The following FRMPD4 variants were observed in gnomAD, a reference collection of about 807,000 sequenced individuals.
The protein encoded by FRMPD4 is FERM and PDZ domain-containing protein 4.
FRMPD4 carries 22 observed loss-of-function variants against 94.1 expected under a neutral mutation model. That is an observed-to-expected ratio of 0.23 (90% CI 0.17 to 0.33). FRMPD4 has a LOEUF of 0.33. FRMPD4 is among the 10% of genes least tolerant of loss of function. The pLI is 1.00. For missense variants in FRMPD4, 1,111 were observed against 1,339.9 expected (o/e 0.83, Z 2.67); for synonymous variants, 631 against 548.6 (o/e 1.15, Z -2.10).
At chrX:11,952,332 C>T (rs753784189) in intron 3 of FRMPD4, among the ~76,000 whole-genome samples, 50 of 112,036 alleles carry the variant, frequency 4.5e-4, no homozygotes, top group African/African-American at 1.1e-3. Flanking sequence ...TTCTTGAAGC[C>T]GCAAAATCAA....
chrX:12,425,671 G>A (rs2056937202), intron 1 of FRMPD4, among the ~76,000 whole-genome samples: 1 of 111,670 alleles, frequency 9.0e-6, no homozygotes, highest in African/African-American at 3.3e-5. Flanking sequence ...TGAGGCCAGA[G>A]ATGTTGCTAA....
chrX:12,516,165 G>T (rs981864197), intron 2 of FRMPD4, among the ~76,000 whole-genome samples: 1 of 111,742 alleles, frequency 8.9e-6, no homozygotes, highest in African/African-American at 3.3e-5. Flanking sequence ...TTGACATTCT[G>T]TGTCTTTTAA....
At chrX:12,423,254 TAAATAAA>T (rs2056907319) in intron 1 of FRMPD4, among the ~76,000 whole-genome samples, 1 of 110,209 alleles carries the variant, frequency 9.1e-6, no homozygotes, top group South Asian at 3.9e-4. Context: ...AATAAATAAA[TAAATAAA>T]AAATAAAAAA....
In FRMPD4 at chrX:12,699,408, A is replaced by G. The variant is rs956988694; in HGVS notation, c.934-2466A>G. Among the ~76,000 whole-genome samples, 12 of 112,708 alleles carry G rather than the reference A, an allele frequency of 1.1e-4. No homozygotes were observed. In the East Asian group the frequency reaches 2.8e-3, roughly 26 times the overall value. On this transcript the variant is annotated intron_variant, in intron 9 of 16. Coordinates refer to ENST00000675598, the MANE Select transcript of FRMPD4 (RefSeq NM_001368397.1). ...AAGGTGGAAGATCACATTAGGGATGAACAGGTGAGAGAATGTGACTTCACT... is the reference window on the plus strand; with the variant it reads ...AAGGTGGAAGATCACATTAGGGATGGACAGGTGAGAGAATGTGACTTCACT...
At chrX:11,847,548 C>T (rs1272254574) in intron 1 of FRMPD4, among the ~76,000 whole-genome samples, 1 of 108,024 alleles carries the variant, frequency 9.3e-6, no homozygotes, top group African/African-American at 3.4e-5. Flanking sequence ...ACCCAAAGGA[C>T]TATAAATCAT....
intron 2 of FRMPD4, among the ~76,000 whole-genome samples, chrX:12,566,671 AAATT>A (rs1385379047): frequency 1.8e-5 from 2 of 112,205 alleles, no homozygotes; most frequent in Non-Finnish European, 3.8e-5. Context: ...AAGAGCTAAG[AAATT>A]ATTTATCGAA....
intron 1 of FRMPD4, among the ~76,000 whole-genome samples, chrX:11,831,333 A>G (rs191124911): frequency 9.0e-6 from 1 of 111,727 alleles, no homozygotes; most frequent in Non-Finnish European, 1.9e-5. Flanking sequence ...CTGAGGGTAG[A>G]GTTGATGGGA....
At chrX:12,024,043 T>C (rs986635797) in intron 3 of FRMPD4, among the ~76,000 whole-genome samples, 5 of 111,869 alleles carry the variant, frequency 4.5e-5, no homozygotes, top group Non-Finnish European at 9.4e-5. Context: ...CCTTTCTTTG[T>C]ACTAATTCAG....
rs1156820107 is a variant in FRMPD4, at chrX:12,110,689, A to G, written c.95+232671A>G. On this transcript the variant is annotated intron_variant, in intron 3 of 18. Transcript: ENST00000640291. ...GAAAACCCCATTGTCTCAGCCCAAA[A>G]TCTCCTTAAGCTGATAAGCAACCTC... 4.5e-5 allele frequency among the ~76,000 whole-genome samples: 5 copies of G among 111,802 alleles called. No homozygotes were observed. In the East Asian group the frequency reaches 1.4e-3, roughly 31 times the overall value.
chrX:12,116,147 C>T (rs917241328), intron 3 of FRMPD4, among the ~76,000 whole-genome samples: 3 of 112,005 alleles, frequency 2.7e-5, no homozygotes, highest in African/African-American at 6.5e-5. Context: ...ACATTCCAGA[C>T]GCTTCCCAGC....
At chrX:12,679,197 A>G (rs1303092814) in intron 5 of FRMPD4, among the ~76,000 whole-genome samples, 2 of 112,256 alleles carry the variant, frequency 1.8e-5, no homozygotes, top group Non-Finnish European at 3.8e-5. Flanking sequence ...AGCAGGCCAC[A>G]AGTGCTGAGG....
chrX:11,963,287 C>T (rs964345810), intron 3 of FRMPD4, among the ~76,000 whole-genome samples: 2 of 112,180 alleles, frequency 1.8e-5, no homozygotes, highest in Middle Eastern at 4.2e-3. Context: ...ATATGAGGCT[C>T]CAACCGATGT....
At chrX:12,574,175 A>G (rs2058786870) in intron 2 of FRMPD4, among the ~76,000 whole-genome samples, 2 of 110,671 alleles carry the variant, frequency 1.8e-5, no homozygotes, top group African/African-American at 6.6e-5. Flanking sequence ...TAATTTTTGT[A>G]TTGTTAGTAG....
intron 1 of FRMPD4, among the ~76,000 whole-genome samples, chrX:12,315,992 C>T (rs1213975626): frequency 9.0e-6 from 1 of 111,721 alleles, no homozygotes; most frequent in East Asian, 2.8e-4. Context: ...CCCAAAATAT[C>T]AGTTATGCTG....
At chrX:12,173,328 C>T (rs1040328168) in intron 1 of FRMPD4, among the ~76,000 whole-genome samples, 1 of 112,639 alleles carries the variant, frequency 8.9e-6, no homozygotes, top group African/African-American at 3.2e-5. Context: ...TCACAGCCTC[C>T]TTGTAACCAG....
rs1166580834 is a variant in FRMPD4, at chrX:12,092,258, A to C, written c.95+214240A>C. Among the ~76,000 whole-genome samples, 17 of 111,577 alleles carry C rather than the reference A, an allele frequency of 1.5e-4. No individual in the cohort carries two copies. In the Admixed American group the frequency reaches 1.6e-3, roughly 11 times the overall value. On this transcript the variant is annotated intron_variant, in intron 3 of 18. Transcript: ENST00000640291. Reference sequence around the variant, plus strand: ...ATGAACACCAGTTATGCTAGGAGAGATTGATAGACATATATTTAAGTTTTA... The same window carrying C: ...ATGAACACCAGTTATGCTAGGAGAGCTTGATAGACATATATTTAAGTTTTA...
At chrX:12,535,269 T>G (rs935274862) in intron 2 of FRMPD4, among the ~76,000 whole-genome samples, 15 of 111,669 alleles carry the variant, frequency 1.3e-4, no homozygotes, top group African/African-American at 3.3e-5. Context: ...CATGGGATTG[T>G]AAGCCCAATA....
chrX:12,074,875 T>G (rs186642258), intron 3 of FRMPD4, among the ~76,000 whole-genome samples: 5 of 112,313 alleles, frequency 4.5e-5, no homozygotes, highest in Middle Eastern at 4.6e-3. Flanking sequence ...TGCTTTAAAT[T>G]ATGGTCTTTC....
chrX:11,839,827 C>CTGTT (rs1206962864), intron 1 of FRMPD4, among the ~76,000 whole-genome samples: 4 of 109,740 alleles, frequency 3.6e-5, no homozygotes, highest in Admixed American at 1.9e-4. Context: ...GCTGTTTTTT[C>CTGTT]TGTTTGTTTG....
Sources: gnomAD v4.1 joint callset for allele counts (sites outside exome capture counted in the v4.1 genomes callset) on GRCh38, gnomAD v4.1.1 for gene constraint, MANE v1.5 for transcripts, NCBI Gene and HGNC (gene_info 2026-07-23, HGNC 2026-07-21) for gene names.